Variants in RUNX2 observed in about 807,000 individuals in gnomAD.
RUNX2 encodes RUNX family transcription factor 2.
In RUNX2, 10 loss-of-function variants were observed where a neutral mutation model predicts 51.7. The observed-to-expected ratio is 0.19, with a 90% CI of 0.12 to 0.33. The LOEUF (loss-of-function observed/expected upper bound fraction) is 0.33, where lower values mean the gene tolerates loss of function less well. RUNX2 is among the 10% of genes least tolerant of loss of function. The pLI, the probability that RUNX2 is intolerant of heterozygous loss-of-function variation, is 1.00. For synonymous variants in RUNX2, 276 were observed against 273.6 expected (o/e 1.01, Z -0.09); for missense variants, 562 against 691.3 (o/e 0.81, Z 2.10).
At chr6:45,446,903 C>T (rs757883606) in intron 5 of RUNX2, among the ~76,000 whole-genome samples, 4 of 152,110 alleles carry the variant, frequency 2.6e-5, no homozygotes, top group Admixed American at 6.5e-5. Context: ...TCATATGTAA[C>T]AGTTAAAATA....
chr6:45,411,095 T>C (rs914642436), intron 2 of RUNX2, among the ~76,000 whole-genome samples: 10 of 152,138 alleles, frequency 6.6e-5, no homozygotes, highest in African/African-American at 2.2e-4. Context: ...CTTCTGAAAG[T>C]TTTTTTCTTT....
chr6:45,476,889 A>G (rs1210067805), intron 5 of RUNX2, among the ~76,000 whole-genome samples: 1 of 152,228 alleles, frequency 6.6e-6, no homozygotes. Flanking sequence ...TACAGGAAGC[A>G]TTTAGAAATA....
At chr6:45,483,009 T>C (rs1234241149) in intron 5 of RUNX2, among the ~76,000 whole-genome samples, 3 of 152,336 alleles carry the variant, frequency 2.0e-5, no homozygotes, top group Non-Finnish European at 4.4e-5. Flanking sequence ...CTCTGTTAGC[T>C]CATTTTTGAA....
intron 5 of RUNX2, among the ~76,000 whole-genome samples, chr6:45,489,168 C>T (rs755071615): frequency 2.6e-5 from 4 of 152,078 alleles, no homozygotes; most frequent in African/African-American, 4.8e-5. Flanking sequence ...AAGAAAAATG[C>T]GTATGTTTTT....
At chr6:45,484,893 A>G (rs1307349017) in intron 5 of RUNX2, among the ~76,000 whole-genome samples, 1 of 152,226 alleles carries the variant, frequency 6.6e-6, no homozygotes, top group Non-Finnish European at 1.5e-5. Context: ...CTGTGGACAT[A>G]TAACCAATTT....
At chr6:45,397,110 T>TAA (rs1797598662) in intron 2 of RUNX2, among the ~76,000 whole-genome samples, 2 of 151,578 alleles carry the variant, frequency 1.3e-5, no homozygotes, top group Admixed American at 1.3e-4. Flanking sequence ...TTTAAAACTT[T>TAA]TTTTTTTTTT....
At chr6:45,374,604 T>C (rs563946000) in intron 2 of RUNX2, among the ~76,000 whole-genome samples, 46 of 152,324 alleles carry the variant, frequency 3.0e-4, no homozygotes, top group African/African-American at 1.0e-3. Flanking sequence ...AACCCTTCTT[T>C]AACATTCTAA....
intron 3 of RUNX2, among the ~76,000 whole-genome samples, chr6:45,430,649 T>C (rs1449876347): frequency 6.6e-6 from 1 of 152,118 alleles, no homozygotes; most frequent in African/African-American, 2.4e-5. Context: ...ATGCTTAGGT[T>C]TGTCTTATGG....
In RUNX2 at chr6:45,381,186, G is replaced by A. The variant is rs529475837; in HGVS notation, c.59-41407G>A. The stretch of plus-strand genomic sequence containing the variant: ...AAAAGTATCTTGTTTTATGTTTAGA[G>A]CAAGTTGTTCTGACCAAAAAGATTA... On this transcript the variant is annotated intron_variant, in intron 2 of 8. Coordinates refer to ENST00000647337, the MANE Select transcript of RUNX2 (RefSeq NM_001024630.4). 8.5e-5 allele frequency among the ~76,000 whole-genome samples: 13 copies of A among 152,172 alleles called. No individual in the cohort carries two copies. The East Asian group carries it at 1.9e-3, about 23-fold the overall frequency.
intron 5 of RUNX2, among the ~76,000 whole-genome samples, chr6:45,461,619 A>G (rs900870159): frequency 2.0e-5 from 3 of 152,218 alleles, no homozygotes; most frequent in African/African-American, 4.8e-5. Flanking sequence ...TTAAGCACCT[A>G]CTATGTACCA....
Position 45,328,375 on chromosome 6 carries a change from T to G in RUNX2, c.-152T>G. On this transcript the variant is annotated 5_prime_UTR_variant, in exon 1 of 9. Transcript: ENST00000647337. Reference sequence around the variant, plus strand: ...CAGAACCACAAGTGCGGTGCAAACTTTCTCCAGGAGGACAGCAAGAAGTCT... The same window carrying G: ...CAGAACCACAAGTGCGGTGCAAACTGTCTCCAGGAGGACAGCAAGAAGTCT... The G allele has an allele frequency of 7.2e-7, 1 of 1,390,944 alleles. No homozygotes were observed. Among genetic ancestry groups the G allele is most frequent in the Non-Finnish European group, 9.6e-7 (1 of 1,038,012 alleles). The allele number at this position is 1,390,944 out of a possible 1,614,324, so 86.2% of individuals were successfully genotyped here.
intron 2 of RUNX2, among the ~76,000 whole-genome samples, chr6:45,335,908 T>C (rs1326771514): frequency 1.3e-5 from 2 of 151,362 alleles, no homozygotes; most frequent in Non-Finnish European, 1.5e-5. Flanking sequence ...CTACTGCTCT[T>C]ATAAGAGTCA....
intron 2 of RUNX2, among the ~76,000 whole-genome samples, chr6:45,417,981 C>T (rs1427199157): frequency 6.6e-6 from 1 of 152,178 alleles, no homozygotes; most frequent in African/African-American, 2.4e-5. Context: ...GGCTGAGTAA[C>T]CTTCTGTCAA....
chr6:45,435,498 C>T (rs1165964661), intron 4 of RUNX2, among the ~76,000 whole-genome samples: 3 of 152,150 alleles, frequency 2.0e-5, no homozygotes, highest in African/African-American at 7.2e-5. Flanking sequence ...GCTGGGATTA[C>T]AGGCGTGCGT....
At chr6:45,473,314 G>A (rs1799860195) in intron 5 of RUNX2, among the ~76,000 whole-genome samples, 1 of 151,942 alleles carries the variant, frequency 6.6e-6, no homozygotes, top group Non-Finnish European at 1.5e-5. Flanking sequence ...CAGCAGTGCT[G>A]TTGACTTTGG....
At position 45,476,852 on chromosome 6, in the gene RUNX2, C is replaced by G. The variant is rs185105581; in HGVS notation, c.686-15089C>G. ...ATCTTTCCCTTTAAATAATGAATATCATTAGAGGTATTCTTATGCAAGGAT... is the reference window on the plus strand; with the variant it reads ...ATCTTTCCCTTTAAATAATGAATATGATTAGAGGTATTCTTATGCAAGGAT... On this transcript the variant is annotated intron_variant, in intron 5 of 8. Coordinates refer to ENST00000647337, the MANE Select transcript of RUNX2 (RefSeq NM_001024630.4). Among the ~76,000 whole-genome samples the G allele has an allele frequency of 2.0e-5, 3 of 151,948 alleles. No homozygotes were observed. In the East Asian group the frequency reaches 5.8e-4, roughly 29 times the overall value.
chr6:45,491,366 G>GT (rs1250564606), intron 5 of RUNX2, among the ~76,000 whole-genome samples: 1 of 151,944 alleles, frequency 6.6e-6, no homozygotes, highest in Admixed American at 6.6e-5. Context: ...TTACATTTCT[G>GT]TTTTTTTATT....
At chr6:45,537,229 G>A (rs1323864034) in intron 7 of RUNX2, among the ~76,000 whole-genome samples, 4 of 152,110 alleles carry the variant, frequency 2.6e-5, no homozygotes, top group African/African-American at 7.2e-5. Context: ...GAGTGCATGC[G>A]TCTGCCTCCC....
At chr6:45,428,299 A>C (rs1798440383) in intron 3 of RUNX2, among the ~76,000 whole-genome samples, 1 of 152,106 alleles carries the variant, frequency 6.6e-6, no homozygotes, top group African/African-American at 2.4e-5. Flanking sequence ...TCTCCAAGGG[A>C]AACTTTTTAG....
Sources: allele counts gnomAD v4.1 joint callset (sites outside exome capture counted in the v4.1 genomes callset), GRCh38; gene constraint gnomAD v4.1.1; transcripts MANE v1.5; gene names NCBI Gene and HGNC (gene_info 2026-07-23, HGNC 2026-07-21).